TNFRSF8: variants seen among roughly 807,000 people sequenced by gnomAD.
TNFRSF8 encodes tumor necrosis factor receptor superfamily member 8.
In TNFRSF8, 26 loss-of-function variants were observed where a neutral mutation model predicts 70.8. The observed-to-expected ratio is 0.37, with a 90% confidence interval of 0.27 to 0.51. The LOEUF is 0.51. TNFRSF8 is among the 20% of genes least tolerant of loss of function. TNFRSF8 has a pLI of 0.94. For synonymous variants in TNFRSF8, 356 were observed against 339.2 expected (o/e 1.05, Z -0.54); for missense variants, 720 against 807.9 (o/e 0.89, Z 1.32).
At chr1:12,135,899 G>C (rs1642137151) in intron 13 of TNFRSF8, among the ~76,000 whole-genome samples, 1 of 152,188 alleles carries the variant, frequency 6.6e-6, no homozygotes, top group Non-Finnish European at 1.5e-5. Context: ...TCCTGGCTCA[G>C]CCTGCCGGGA....
At chr1:12,123,176 T>TC in intron 8 of TNFRSF8, 108 bp from the exon 9 acceptor site, 1 of 872,412 alleles carries the variant, frequency 1.1e-6, no homozygotes, top group South Asian at 1.8e-5. Flanking sequence ...CTGTCTTAGC[T>TC]CCCACGGTGT....
At chr1:12,077,881 T>A (rs1640993791) in intron 1 of TNFRSF8, 1 of 152,010 alleles carries the variant, frequency 6.6e-6, no homozygotes, top group Non-Finnish European at 1.5e-5. Flanking sequence ...TTTTTTTTTT[T>A]TAAATATGGA....
At position 12,109,690 on chromosome 1, in the gene TNFRSF8, C is replaced by A. The variant is rs1325308574; in HGVS notation, c.512+34C>A. The A allele has an allele frequency of 3.8e-6, 6 of 1,583,024 alleles. No individual in the cohort carries two copies. Among genetic ancestry groups the A allele is most frequent in the South Asian group, 2.2e-5 (2 of 90,136 alleles). ...CTGGCTTTGCCTCCTCCTCTTCCCC[C>A]AAGCTGGCTTTCAGATGAGGCTGCC... On this transcript the variant is annotated intron_variant, in intron 5 of 14. Coordinates refer to ENST00000263932, the MANE Select transcript of TNFRSF8 (RefSeq NM_001243.5). This position sits in a 1 kb window ranked among gnomAD's most constrained non-coding sequence, Gnocchi z 4.4.
At position 12,138,389 on chromosome 1, in the gene TNFRSF8, A is replaced by G. The variant is rs545656641; in HGVS notation, c.1496A>G (p.Asp499Gly). Residue 499 changes from aspartate to glycine, a missense_variant, in exon 14 of 15, where the codon GAC becomes GGC. Physicochemically the swap from Asp to Gly is moderately conservative, Grantham distance 94. Transcript: ENST00000263932. This position sits in a 1 kb window ranked among gnomAD's most constrained non-coding sequence, Gnocchi z 5.7. ...GCCGGGGGCCCCTCGTCCCCCAGGG[A>G]CCTTCCTGAGCCCCGGGTGTCCACG... is the stretch of plus-strand genomic sequence containing the variant. ...SPAGGPSSPR[D>G]LPEPRVSTEH... 11 of 1,613,450 alleles carry G rather than the reference A, an allele frequency of 6.8e-6. No homozygotes were observed. In the East Asian group the frequency reaches 2.2e-4, roughly 33 times the overall value.
intron 12 of TNFRSF8, among the ~76,000 whole-genome samples, chr1:12,128,833 C>CTCTT (rs1641992714): frequency 8.9e-6 from 1 of 111,776 alleles, no homozygotes; most frequent in African/African-American, 3.6e-5. Context: ...GTCTAAAATT[C>CTCTT]TTTTTTTTTT....
Position 12,104,458 on chromosome 1 carries a change from G to A in TNFRSF8, c.348G>A (p.Thr116=), listed in dbSNP as rs775922861. The change falls in exon 4 of 15, where the codon ACG becomes ACA. Residue 116 remains threonine (T), a synonymous_variant. Transcript: ENST00000263932. The part of the protein sequence containing the change: ...CECRPGMFCS[T]SAVNSCARCF... ...GTCGACCCGGCATGTTCTGTTCCAC[G>A]TCTGCCGTCAACTCCTGTGCCCGCT... is the stretch of plus-strand genomic sequence containing the variant. 18 of 1,614,146 alleles carry A rather than the reference G, an allele frequency of 1.1e-5. No individual in the cohort carries two copies. In the East Asian group the frequency reaches 2.0e-4, roughly 18 times the overall value.
At chr1:12,129,850 G>A (rs537013149) in intron 12 of TNFRSF8, among the ~76,000 whole-genome samples, 5 of 152,280 alleles carry the variant, frequency 3.3e-5, no homozygotes, top group South Asian at 4.1e-4. Context: ...CTTTAGGGGC[G>A]TTACTTGAGA....
intron 4 of TNFRSF8, among the ~76,000 whole-genome samples, chr1:12,104,941 G>A (rs1282595995): frequency 6.6e-6 from 1 of 152,168 alleles, no homozygotes; most frequent in Non-Finnish European, 1.5e-5. Flanking sequence ...CTGGCCCCAG[G>A]CTCAAGACTT....
intron 3 of TNFRSF8, among the ~76,000 whole-genome samples, chr1:12,098,468 C>G (rs1641367697): frequency 6.6e-6 from 1 of 152,146 alleles, no homozygotes; most frequent in African/African-American, 2.4e-5. Flanking sequence ...CTCTACCTCT[C>G]TGTATAAAGA....
intron 4 of TNFRSF8, among the ~76,000 whole-genome samples, chr1:12,105,350 G>A (rs531075674): frequency 1.3e-5 from 2 of 152,126 alleles, no homozygotes; most frequent in African/African-American, 2.4e-5. Context: ...CGCTACCACT[G>A]CCTGCCCCTT....
intron 1 of TNFRSF8, among the ~76,000 whole-genome samples, chr1:12,064,791 G>A (rs1640709014): frequency 1.3e-5 from 2 of 152,170 alleles, no homozygotes; most frequent in South Asian, 4.1e-4. Flanking sequence ...GAGGGCAGAG[G>A]GGACAAAGCC....
rs944495828 is a variant in TNFRSF8 at position 12,109,298 on chromosome 1, T to G, written c.422-268T>G. 2.0e-5 allele frequency among the ~76,000 whole-genome samples: 3 copies of G among 152,200 alleles called. No homozygotes were observed. The highest frequency in any genetic ancestry group is 7.2e-5 in the African/African-American group (3 of 41,446). On this transcript the variant is annotated intron_variant, in intron 4 of 14. Transcript: ENST00000263932. This position sits in a 1 kb window ranked among gnomAD's most constrained non-coding sequence, Gnocchi z 4.4. ...ATGCAACGGATTGATTGGTCCAGCC[T>G]GGTCTCATGGCCACTCGGGAAAGGG...
At chr1:12,135,703 G>T in intron 13 of TNFRSF8, 90 bp downstream of exon 13, 1 of 1,555,942 alleles carries the variant, frequency 6.4e-7, no homozygotes, top group East Asian at 2.3e-5. Flanking sequence ...GAGCTGCTGG[G>T]GGAAGGGAGA....
chr1:12,124,300 C>T (rs903257072), intron 10 of TNFRSF8, among the ~76,000 whole-genome samples: 1 of 152,102 alleles, frequency 6.6e-6, no homozygotes, highest in Non-Finnish European at 1.5e-5. Context: ...TGAACCACTG[C>T]GCCTGGCTGC....
chr1:12,079,964 T>G (rs1206354673), intron 1 of TNFRSF8, among the ~76,000 whole-genome samples: 46 of 150,918 alleles, frequency 3.0e-4, no homozygotes, highest in Non-Finnish European at 5.6e-4. Flanking sequence ...TTTTTTTTTT[T>G]TTGAGGCAGG....
chr1:12,097,067 G>T (rs778934171), intron 2 of TNFRSF8, 34 bp from the exon 3 acceptor site: 2 of 1,585,010 alleles, frequency 1.3e-6, no homozygotes, highest in Middle Eastern at 1.9e-4. Flanking sequence ...TGCTAAGTCA[G>T]CCTGGCTTGG....
In TNFRSF8 at chr1:12,138,218, C is replaced by T; in HGVS notation, c.1336-11C>T. 1 of 1,612,692 alleles carries T rather than the reference C, an allele frequency of 6.2e-7. No homozygotes were observed. Among genetic ancestry groups the T allele is most frequent in the Non-Finnish European group, 8.5e-7 (1 of 1,179,298 alleles). ...GGGTACCCTGCAGCAGCACCCATTCCCGTCCCACAGCAGCTGAGGAGTGGT... is the reference window on the plus strand; with the variant it reads ...GGGTACCCTGCAGCAGCACCCATTCTCGTCCCACAGCAGCTGAGGAGTGGT... On this transcript the variant is annotated splice_polypyrimidine_tract_variant and intron_variant, in intron 13 of 14. Transcript: ENST00000263932. This position sits in a 1 kb window ranked among gnomAD's most constrained non-coding sequence, Gnocchi z 5.7.
intron 12 of TNFRSF8, among the ~76,000 whole-genome samples, chr1:12,130,010 TTC>T (rs1642019272): frequency 6.6e-6 from 1 of 152,216 alleles, no homozygotes; most frequent in Non-Finnish European, 1.5e-5. Flanking sequence ...GTTCAAGCAA[TTC>T]TCCTGCTTCA....
rs1640693529 is a variant in TNFRSF8, at chr1:12,063,957, C to T, written c.63+296C>T. Among the ~76,000 whole-genome samples, 1 of 152,196 alleles carries T rather than the reference C, an allele frequency of 6.6e-6. No homozygotes were observed. Among genetic ancestry groups the T allele is most frequent in the Non-Finnish European group, 1.5e-5 (1 of 68,040 alleles). ...CATACGCGGGAGGCGCTCTTTAGCC[C>T]GCCTACCTGCGGGCCCGTCGGGGTC... On this transcript the variant is annotated intron_variant, in intron 1 of 14. Transcript: ENST00000263932. This position sits in a 1 kb window ranked among gnomAD's most constrained non-coding sequence, Gnocchi z 7.2.
Sources: gnomAD v4.1 joint callset for allele counts (sites outside exome capture counted in the v4.1 genomes callset) on GRCh38, gnomAD v4.1.1 for gene constraint, Gnocchi (gnomAD v3.1) non-coding constraint, MANE v1.5 for transcripts, NCBI Gene and HGNC (gene_info 2026-07-23, HGNC 2026-07-21) for gene names.